LONP2: variants seen among roughly 807,000 people sequenced by gnomAD.
The protein encoded by LONP2 is lon peptidase 2, peroxisomal, also known as lon protease homolog 2, peroxisomal.
A neutral mutation model predicts 85.6 loss-of-function variants in LONP2; 60 were observed. The observed-to-expected ratio is 0.70, with a 90% CI of 0.57 to 0.87. The LOEUF (loss-of-function observed/expected upper bound fraction) is 0.87, where lower values mean the gene tolerates loss of function less well. Ranked by LOEUF, LONP2 falls within the 40% of genes least tolerant of loss-of-function variation. The probability of loss-of-function intolerance (pLI) is 0.00; values close to 1 mark genes in which losing one functional copy is unlikely to be tolerated. For missense variants in LONP2, 860 were observed against 1,063.5 expected, an observed-to-expected ratio of 0.81 and a Z score of 2.66; for synonymous variants, 395 against 389.7, an observed-to-expected ratio of 1.01 and a Z score of -0.16.
chr16:48,338,705 C>G (rs912833932), intron 12 of LONP2, among the ~76,000 whole-genome samples: 3 of 152,048 alleles, frequency 2.0e-5, no homozygotes, highest in Non-Finnish European at 2.9e-5. Context: ...TCTGGGAGTT[C>G]AAGACCAGCC....
chr16:48,326,157 A>C (rs1211478155), intron 11 of LONP2, among the ~76,000 whole-genome samples: 1 of 152,164 alleles, frequency 6.6e-6, no homozygotes, highest in African/African-American at 2.4e-5. Context: ...ATTCTTCCTG[A>C]ATTCTGCTAA....
chr16:48,297,735 C>G (rs1314456991), intron 9 of LONP2, among the ~76,000 whole-genome samples: 2 of 151,382 alleles, frequency 1.3e-5, no homozygotes, highest in African/African-American at 4.9e-5. Context: ...GAGTCTCACT[C>G]TGTCACCAGG....
intron 1 of LONP2, 30 bp downstream of exon 1, chr16:48,244,651 G>A (rs1279631180): frequency 1.5e-6 from 2 of 1,319,900 alleles, no homozygotes; most frequent in African/African-American, 3.1e-5. Flanking sequence ...CGGCGGCGGC[G>A]GGCGGCGCGG....
intron 11 of LONP2, among the ~76,000 whole-genome samples, chr16:48,319,078 G>GTT (rs57379594): frequency 0.21 from 31,501 of 151,504 alleles, 4,012 homozygotes; most frequent in African/African-American, 0.36. Context: ...TAAATTTAAT[G>GTT]TTTAGAAAGT....
In LONP2 at chr16:48,244,367, C is replaced by T. The variant is rs750642329; in HGVS notation, c.-22C>T. 2.7e-6 allele frequency: 4 copies of T among 1,506,476 alleles called. No homozygotes were observed. The Admixed American group carries it at 7.9e-5, about 30-fold the overall frequency. The allele number at this position is 1,506,476 out of a possible 1,614,324, so 93.3% of individuals were successfully genotyped here. A position where few individuals can be genotyped will look rare whatever the true frequency, so the allele number is the denominator to read the frequency against. ...GTCTGTCTGGCTCTTTTTGACAGCC[C>T]CCAGTGCGAAAGGCTGCCAGCATGT... On this transcript the variant is annotated 5_prime_UTR_variant, in exon 1 of 15. Transcript: ENST00000285737.
At chr16:48,347,980 C>G in intron 13 of LONP2, 120 bp from the exon 14 acceptor site, 2 of 933,206 alleles carry the variant, frequency 2.1e-6, no homozygotes, top group Non-Finnish European at 3.2e-6. Flanking sequence ...GTACTGTCCA[C>G]CAATATTTTG....
At position 48,264,307 on chromosome 16, in the gene LONP2, C is replaced by T. The variant is rs909726256; in HGVS notation, c.982+1435C>T. 1.7e-4 allele frequency among the ~76,000 whole-genome samples: 26 copies of T among 152,032 alleles called. No individual in the cohort carries two copies. In the East Asian group the frequency reaches 2.9e-3, roughly 17 times the overall value. On this transcript the variant is annotated intron_variant, in intron 6 of 14. Coordinates refer to ENST00000285737, the MANE Select transcript of LONP2 (RefSeq NM_031490.5). ...CAATCTCGACCATAAGAGACAGGTA[C>T]GCCCCGGGGGGGCCAGTTCAGAGAC...
intron 7 of LONP2, among the ~76,000 whole-genome samples, chr16:48,276,472 A>G (rs575446792): frequency 6.6e-6 from 1 of 152,334 alleles, no homozygotes; most frequent in Admixed American, 6.5e-5. Context: ...CATAGACAGC[A>G]GGGTTATAAT....
At chr16:48,258,066 G>A (rs1476226818) in intron 3 of LONP2, among the ~76,000 whole-genome samples, 3 of 151,986 alleles carry the variant, frequency 2.0e-5, no homozygotes, top group East Asian at 1.9e-4. Flanking sequence ...ACACAGCTTC[G>A]GCCGGGCGCA....
At chr16:48,341,282 AGAGT>A (rs1397701157) in intron 12 of LONP2, among the ~76,000 whole-genome samples, 2 of 152,150 alleles carry the variant, frequency 1.3e-5, no homozygotes, top group African/African-American at 4.8e-5. Flanking sequence ...CTTGGGACAC[AGAGT>A]GAGACTCCAT....
intron 12 of LONP2, among the ~76,000 whole-genome samples, chr16:48,336,653 G>A (rs1959658781): frequency 6.6e-6 from 1 of 152,174 alleles, no homozygotes; most frequent in Admixed American, 6.5e-5. Flanking sequence ...GAGCTTCTGA[G>A]CCAGGAGAAG....
intron 8 of LONP2, among the ~76,000 whole-genome samples, chr16:48,278,996 A>G (rs182649258): frequency 6.6e-6 from 1 of 152,248 alleles, no homozygotes; most frequent in Admixed American, 6.5e-5. Context: ...TATTATTTCA[A>G]AAACTTTCTC....
At chr16:48,338,562 T>C (rs1245400748) in intron 12 of LONP2, among the ~76,000 whole-genome samples, 1 of 151,822 alleles carries the variant, frequency 6.6e-6, no homozygotes, top group African/African-American at 2.4e-5. Flanking sequence ...GGGAGGGAGA[T>C]GAGGAGAGAG....
intron 7 of LONP2, among the ~76,000 whole-genome samples, chr16:48,272,979 AC>A (rs1031323817): frequency 6.6e-6 from 1 of 152,126 alleles, no homozygotes; most frequent in Non-Finnish European, 1.5e-5. Context: ...TTCCAGCACA[AC>A]CATGGGTGTG....
rs76520168 is a variant in LONP2 at position 48,325,265 on chromosome 16, C to T, written c.1796-8951C>T. On this transcript the variant is annotated intron_variant, in intron 11 of 14. Transcript: ENST00000285737. Reference sequence around the variant, plus strand: ...GCTCAGGCCGTAATGCTTGCCCACCCGCTGCTCACCTCCTCCTGACAGGCC... The same window carrying T: ...GCTCAGGCCGTAATGCTTGCCCACCTGCTGCTCACCTCCTCCTGACAGGCC... Among the ~76,000 whole-genome samples, 425 of 152,320 alleles carry T rather than the reference C, an allele frequency of 2.8e-3. 3 individuals are homozygous for T. The highest frequency in any genetic ancestry group is 9.6e-3 in the African/African-American group (401 of 41,560).
chr16:48,257,073 A>G (rs1231089005), intron 3 of LONP2, among the ~76,000 whole-genome samples: 1 of 152,178 alleles, frequency 6.6e-6, no homozygotes, highest in African/African-American at 2.4e-5. Context: ...GCACTTTGGG[A>G]GGCTGAGATG....
At chr16:48,360,892 C>T (rs1420259357), downstream of LONP2, 4 of 152,144 alleles carry the variant, frequency 2.6e-5, no homozygotes, top group Non-Finnish European at 5.9e-5. Flanking sequence ...CTTTCTGGAA[C>T]TCATGGCTTC....
downstream of LONP2, among the ~76,000 whole-genome samples, chr16:48,359,624 G>C (rs897233595): frequency 6.6e-6 from 1 of 152,038 alleles, no homozygotes; most frequent in South Asian, 2.1e-4. Flanking sequence ...GCTGAGGAAG[G>C]AGAATCGCTT....
intron 7 of LONP2, among the ~76,000 whole-genome samples, chr16:48,273,725 AAAT>A (rs1972150468): frequency 6.6e-6 from 1 of 151,980 alleles, no homozygotes; most frequent in South Asian, 2.1e-4. Flanking sequence ...AAGTTTTATG[AAAT>A]AATGTTTGCA....
Sources: gnomAD v4.1 joint callset for allele counts (sites outside exome capture counted in the v4.1 genomes callset) on GRCh38, gnomAD v4.1.1 for gene constraint, MANE v1.5 for transcripts, NCBI Gene and HGNC (gene_info 2026-07-23, HGNC 2026-07-21) for gene names.